The following TSC1 variants were observed in gnomAD, a reference collection of about 807,000 sequenced individuals.
The protein encoded by TSC1 is hamartin.
Under a neutral mutation model 124.3 loss-of-function variants are expected in TSC1, and 20 were observed. The observed-to-expected ratio is 0.16, with a 90% CI of 0.11 to 0.23. The LOEUF (loss-of-function observed/expected upper bound fraction) is 0.23. Among genes scored for constraint, TSC1 ranks in the 10% least tolerant of loss-of-function variants. The pLI is 1.00. For synonymous variants in TSC1, 493 were observed against 539.1 expected (o/e 0.91, Z 1.19); for missense variants, 1,124 against 1,448.5 (o/e 0.78, Z 3.64).
intron 19 of TSC1, among the ~76,000 whole-genome samples, chr9:132,901,242 A>G (rs1200914382): frequency 6.6e-6 from 1 of 152,250 alleles, no homozygotes; most frequent in East Asian, 1.9e-4. Flanking sequence ...AACCTGAACA[A>G]ACTTTTGACA....
chr9:132,899,120 G>A (rs1320159173), intron 20 of TSC1: 1 of 152,210 alleles, frequency 6.6e-6, no homozygotes, highest in Non-Finnish European at 1.5e-5. Context: ...TAGAGACGGG[G>A]TTTCACCATG....
At position 132,923,766 on chromosome 9, in the gene TSC1, T is replaced by C. The variant is rs1846698968; in HGVS notation, c.364-274A>G. ...CCGGGAGACGAGTTCAAACTTGACT[T>C]GGGGACACCCAAGTCCTGCAGCCTT... On this transcript the variant is annotated intron_variant, in intron 5 of 22. Transcript: ENST00000298552. The surrounding 1 kb of genome is among the most constrained non-coding windows in gnomAD (Gnocchi z 4.2). The C allele has an allele frequency of 2.2e-6, 1 of 449,672 alleles. No homozygotes were observed. The highest frequency in any genetic ancestry group is 4.1e-6 in the Non-Finnish European group (1 of 244,634). 27.9% of individuals were successfully genotyped at this position (449,672 alleles called of 1,614,324 possible). A position where few individuals can be genotyped will look rare whatever the true frequency, so the allele number is the denominator to read the frequency against.
At chr9:132,912,164 G>C in intron 9 of TSC1, 118 bp downstream of exon 9, 1 of 1,227,678 alleles carries the variant, frequency 8.1e-7, no homozygotes, top group South Asian at 1.3e-5. Flanking sequence ...AAGATATTTT[G>C]GGAAAAATCC....
chr9:132,892,179 G>A lies in TSC1; in HGVS notation c.*4056C>T, dbSNP rs933909739. Reference sequence around the variant, plus strand: ...TCCCCTGGGCACATCGAAGAGTCCCGGACAGGCAAACAAGCCACATGGGAC... The same window carrying A: ...TCCCCTGGGCACATCGAAGAGTCCCAGACAGGCAAACAAGCCACATGGGAC... On this transcript the variant is annotated 3_prime_UTR_variant, in exon 23 of 23. Transcript: ENST00000298552. 1.7e-5 allele frequency: 4 copies of A among 233,124 alleles called. No individual in the cohort carries two copies. Among genetic ancestry groups the A allele is most frequent in the South Asian group, 1.8e-4 (1 of 5,532 alleles). The allele number at this position is 233,124 out of a possible 1,614,324, so 14.4% of individuals were successfully genotyped here.
chr9:132,930,091 G>C (rs1278264191), intron 2 of TSC1, among the ~76,000 whole-genome samples: 1 of 152,184 alleles, frequency 6.6e-6, no homozygotes, highest in African/African-American at 2.4e-5. Context: ...GTAAGTAGCA[G>C]TTCTTAAGCT....
At chr9:132,908,901 CTT>C (rs35234317) in intron 12 of TSC1, among the ~76,000 whole-genome samples, 13 of 121,444 alleles carry the variant, frequency 1.1e-4, no homozygotes, top group Non-Finnish European at 1.0e-4. Flanking sequence ...CTACCTTGCA[CTT>C]TTTTTTTTTT....
chr9:132,924,079 C>A (rs910445313), intron 5 of TSC1, among the ~76,000 whole-genome samples: 1 of 151,456 alleles, frequency 6.6e-6, no homozygotes, highest in Non-Finnish European at 1.5e-5. Flanking sequence ...TATATGGAAA[C>A]CTTTCAGCAC....
Position 132,923,850 on chromosome 9 carries a change from A to G in TSC1, c.364-358T>C, listed in dbSNP as rs139664277. On this transcript the variant is annotated intron_variant, in intron 5 of 22. Transcript: ENST00000298552. The surrounding 1 kb of genome is among the most constrained non-coding windows in gnomAD (Gnocchi z 4.2). ...AAAAGGAGCTGCTTTTCAACAAAAC[A>G]CAGGAGCACTGCTCTGTTTCATTCA... Among the ~76,000 whole-genome samples the G allele has an allele frequency of 1.3e-5, 2 of 152,318 alleles. No individual in the cohort carries two copies. Among genetic ancestry groups the G allele is most frequent in the African/African-American group, 4.8e-5 (2 of 41,578 alleles).
rs370243092 is a variant in TSC1, at chr9:132,925,663, A to C, written c.287T>G (p.Val96Gly). The C allele has an allele frequency of 6.2e-7, 1 of 1,614,236 alleles. No individual in the cohort carries two copies. Among genetic ancestry groups the C allele is most frequent in the Non-Finnish European group, 8.5e-7 (1 of 1,180,042 alleles). ...RLSILSLLGH[V>G]IRLQPSWKHK... ...CTTCCAAGATGGCTGCAGTCTTATGACATGACCCAGTAACGAGAGGATGGA... is the reference window on the plus strand; with the variant it reads ...CTTCCAAGATGGCTGCAGTCTTATGCCATGACCCAGTAACGAGAGGATGGA... The change falls in exon 5 of 23, where the codon GTC becomes GGC. Residue 96 changes from valine to glycine, a missense_variant. Physicochemically the swap from Val to Gly is moderately radical, Grantham distance 109 (BLOSUM62 -3). Transcript: ENST00000298552.
intron 20 of TSC1, among the ~76,000 whole-genome samples, chr9:132,897,858 C>T (rs182823283): frequency 1.4e-4 from 21 of 152,258 alleles, no homozygotes; most frequent in East Asian, 1.2e-3. Flanking sequence ...ATAATCATCA[C>T]AGCATATTTA....
At chr9:132,900,593 G>A (rs1240866982) in intron 20 of TSC1, 122 bp downstream of exon 20, 1 of 1,510,152 alleles carries the variant, frequency 6.6e-7, no homozygotes, top group Non-Finnish European at 9.2e-7. Context: ...GGAGTAGTGG[G>A]ACTGCCGCTC....
chr9:132,917,060 AC>A (rs1846301950), intron 8 of TSC1, among the ~76,000 whole-genome samples: 1 of 151,856 alleles, frequency 6.6e-6, no homozygotes, highest in African/African-American at 2.4e-5. Context: ...CTAGTTGAAA[AC>A]CTTTTTCTCT....
chr9:132,900,963 G>T lies in TSC1; in HGVS notation c.2503-126C>A, dbSNP rs1845343549. 8.1e-6 allele frequency: 11 copies of T among 1,364,806 alleles called. No homozygotes were observed. In the East Asian group the frequency reaches 2.6e-4, roughly 33 times the overall value. 84.5% of individuals were successfully genotyped at this position (1,364,806 alleles called of 1,614,324 possible). A position where few individuals can be genotyped will look rare whatever the true frequency, so the allele number is the denominator to read the frequency against. On this transcript the variant is annotated intron_variant, in intron 19 of 22. Transcript: ENST00000298552. ...TTAAGGCAAAATAAACCAGTCCCAT[G>T]GGTTCACAGTCCCTGACATAATGGC... is the stretch of plus-strand genomic sequence containing the variant.
chr9:132,895,152 T>G lies in TSC1; in HGVS notation c.*1083A>C, dbSNP rs1409498492. 4.3e-6 allele frequency: 1 copy of G among 233,134 alleles called. No individual in the cohort carries two copies. Among genetic ancestry groups the G allele is most frequent in the African/African-American group, 2.2e-5 (1 of 45,318 alleles). The allele number at this position is 233,134 out of a possible 1,614,324, so 14.4% of individuals were successfully genotyped here. A position where few individuals can be genotyped will look rare whatever the true frequency, so the allele number is the denominator to read the frequency against. On this transcript the variant is annotated 3_prime_UTR_variant, in exon 23 of 23. Coordinates refer to ENST00000298552, the MANE Select transcript of TSC1 (RefSeq NM_000368.5). ...AATTGGTATGAAAAAGCTGCCCCTC[T>G]TCTGGTAGCCTAGAACCTGCTACAG...
intron 2 of TSC1, among the ~76,000 whole-genome samples, chr9:132,934,131 TA>T (rs1000280320): frequency 3.3e-5 from 5 of 152,264 alleles, no homozygotes; most frequent in African/African-American, 1.2e-4. Flanking sequence ...CAGAATACAC[TA>T]AACAGCAACC....
At chr9:132,920,557 G>C (rs1189071304) in intron 8 of TSC1, among the ~76,000 whole-genome samples, 1 of 152,098 alleles carries the variant, frequency 6.6e-6, no homozygotes, top group Non-Finnish European at 1.5e-5. Context: ...AGCTGGCTGA[G>C]GCTCTGTGTG....
At chr9:132,922,748 C>T (rs970705011) in intron 6 of TSC1, among the ~76,000 whole-genome samples, 2 of 152,192 alleles carry the variant, frequency 1.3e-5, no homozygotes, top group African/African-American at 4.8e-5. Flanking sequence ...TTCTGTCTCA[C>T]AGGTCTGACA....
At chr9:132,918,279 C>T (rs1456237024) in intron 8 of TSC1, among the ~76,000 whole-genome samples, 5 of 152,232 alleles carry the variant, frequency 3.3e-5, no homozygotes, top group Non-Finnish European at 5.9e-5. Flanking sequence ...TAAGCTGCCA[C>T]TGTCTCAAAG....
At chr9:132,925,905 A>T in intron 4 of TSC1, 166 bp from the exon 5 acceptor site, 2 of 881,312 alleles carry the variant, frequency 2.3e-6, no homozygotes, top group Non-Finnish European at 3.5e-6. Flanking sequence ...ACGTTAGCAA[A>T]CAAAACACTG....
Sources: allele counts gnomAD v4.1 joint callset (sites outside exome capture counted in the v4.1 genomes callset), GRCh38; gene constraint gnomAD v4.1.1; non-coding constraint Gnocchi (gnomAD v3.1); transcripts MANE v1.5; gene names NCBI Gene and HGNC (gene_info 2026-07-23, HGNC 2026-07-21).